LRIF1: variants seen among roughly 807,000 people sequenced by gnomAD.
The protein encoded by LRIF1 is ligand-dependent nuclear receptor-interacting factor 1.
LRIF1 carries 32 observed loss-of-function variants against 52.7 expected under a neutral mutation model. The ratio of observed to expected loss-of-function variants is 0.61; its 90% CI spans 0.46 to 0.82. LRIF1 has a LOEUF of 0.82. Ranked by LOEUF, LRIF1 falls within the 40% of genes least tolerant of loss-of-function variation. The pLI is 0.00. For synonymous variants in LRIF1, 323 were observed against 317.4 expected, an observed-to-expected ratio of 1.02 and a Z score of -0.19; for missense variants, 887 against 892.0, an observed-to-expected ratio of 0.99 and a Z score of 0.07.
At chr1:110,926,970 A>G in the LRIF1 span, among the ~76,000 whole-genome samples, 1 of 152,190 alleles carries the variant, frequency 6.6e-6, no homozygotes, top group African/African-American at 2.4e-5. Flanking sequence ...GACACTTGCC[A>G]TATAATAAAT....
intron 1 of LRIF1, among the ~76,000 whole-genome samples, chr1:110,957,562 T>C (rs1273229632): frequency 6.6e-6 from 1 of 150,542 alleles, no homozygotes; most frequent in Non-Finnish European, 1.5e-5. Context: ...CCCATAGTTA[T>C]ATCCTTTTAT....
chr1:110,901,942 C>T, the LRIF1 span, among the ~76,000 whole-genome samples: 1 of 152,186 alleles, frequency 6.6e-6, no homozygotes, highest in Non-Finnish European at 1.5e-5. Context: ...TAGGCTTTGT[C>T]TTTAACTCTA....
the LRIF1 span, chr1:110,895,114 C>T: frequency 8.0e-7 from 1 of 1,246,452 alleles, no homozygotes; most frequent in South Asian, 1.2e-5. Context: ...AGCCTAAATC[C>T]TTGGGGGCTA....
chr1:110,951,886 T>C lies in LRIF1; in HGVS notation c.998A>G (p.Asn333Ser). The C allele has an allele frequency of 6.2e-7, 1 of 1,613,960 alleles. No homozygotes were observed. Among genetic ancestry groups the C allele is most frequent in the East Asian group, 2.2e-5 (1 of 44,874 alleles). The part of the protein sequence containing the change: ...DRKNLGDNTI[N>S]MPPLSTIDPS... ...ATCGATGGTACTCAATGGTGGCATA[T>C]TTATAGTATTATCTCCCAAATTTTT... Residue 333 changes from asparagine (N) to serine (S), a missense_variant, in exon 2 of 4, where the codon AAT becomes AGT. Coordinates refer to ENST00000369763, the MANE Select transcript of LRIF1 (RefSeq NM_018372.4).
chr1:110,951,851 T>C lies in LRIF1; in HGVS notation c.1033A>G (p.Thr345Ala). ...PPLSTIDPSG[T>A]RSKNMPIKDN... is the part of the protein sequence containing the mutation. ...TTAATAGGCATATTTTTGGATCGCG[T>C]CCCACTAGGATCGATGGTACTCAAT... is the stretch of plus-strand genomic sequence containing the variant. Residue 345 changes from threonine to alanine, a missense_variant, in exon 2 of 4, where the codon ACG becomes GCG. Physicochemically the swap from Thr to Ala is moderately conservative, Grantham distance 58 (BLOSUM62 0). Coordinates refer to ENST00000369763, the MANE Select transcript of LRIF1 (RefSeq NM_018372.4). The C allele has an allele frequency of 6.2e-7, 1 of 1,613,498 alleles. No homozygotes were observed. The highest frequency in any genetic ancestry group is 2.2e-5 in the East Asian group (1 of 44,868).
intron 1 of LRIF1, among the ~76,000 whole-genome samples, chr1:110,957,194 A>G (rs1379394050): frequency 6.6e-6 from 1 of 151,044 alleles, no homozygotes; most frequent in African/African-American, 2.4e-5. Flanking sequence ...GCGGTGGCTC[A>G]CGCCTGTAAT....
Position 110,950,091 on chromosome 1 carries a change from T to A in LRIF1, c.1629A>T (p.Lys543Asn). 1 of 1,613,492 alleles carries A rather than the reference T, an allele frequency of 6.2e-7. No homozygotes were observed. Among genetic ancestry groups the A allele is most frequent in the African/African-American group, 1.3e-5 (1 of 75,044 alleles). The change falls in exon 3 of 4, where the codon AAA becomes AAT. Residue 543 changes from lysine to asparagine, a missense_variant. Lys to Asn is a moderately conservative substitution (Grantham distance 94). Transcript: ENST00000369763. ...TCTTGTCATTTCTTCCTTGGGCACC[T>A]TTATCTGATGTTGATGCCATCTCAT... ...IHNEMASTSD[K>N]GAQGRNDKKD...
chr1:110,958,414 T>C (rs1216621774), intron 1 of LRIF1, among the ~76,000 whole-genome samples: 1 of 151,878 alleles, frequency 6.6e-6, no homozygotes, highest in African/African-American at 2.4e-5. Flanking sequence ...TTGGAAATTA[T>C]ATAATGCTTT....
chr1:110,895,009 A>C, the LRIF1 span: 3 of 1,613,974 alleles, frequency 1.9e-6, no homozygotes, highest in African/African-American at 2.7e-5. Context: ...CACCGTTACC[A>C]CTCAGACAAT....
the LRIF1 span, chr1:110,894,924 T>C: frequency 6.5e-7 from 1 of 1,532,408 alleles, no homozygotes; most frequent in Non-Finnish European, 9.0e-7. Flanking sequence ...CACCTGCTTT[T>C]TACCATGTCT....
At chr1:110,960,755 A>T (rs938322134) in intron 1 of LRIF1, among the ~76,000 whole-genome samples, 1 of 151,962 alleles carries the variant, frequency 6.6e-6, no homozygotes, top group African/African-American at 2.4e-5. Flanking sequence ...AAGTCGGTCT[A>T]TTTTCCCTTC....
rs1658265943 is a variant in LRIF1 at position 110,947,835 on chromosome 1, A to G, written c.*124T>C. On this transcript the variant is annotated 3_prime_UTR_variant, in exon 4 of 4. Transcript: ENST00000369763. The stretch of plus-strand genomic sequence containing the variant: ...TTTCTGTATTCCTTAAAGTTGTACA[A>G]TCGACTGATGAAAAAACAAGCTTCA... 3.0e-6 allele frequency: 4 copies of G among 1,319,086 alleles called. No individual in the cohort carries two copies. Among genetic ancestry groups the G allele is most frequent in the Admixed American group, 2.8e-5 (1 of 35,230 alleles). 81.7% of individuals were successfully genotyped at this position (1,319,086 alleles called of 1,614,324 possible).
At position 110,951,624 on chromosome 1, in the gene LRIF1, T is replaced by C. The variant is rs1211541656; in HGVS notation, c.1260A>G (p.Lys420=). The part of the protein sequence containing the change: ...EVVNIVLAKS[K]SSQMETKSLS... ...GTGATTTTGTCTCCATCTGGGAAGA[T>C]TTACTTTTAGCCAAAACAATATTTA... Residue 420 remains lysine, a synonymous_variant, in exon 2 of 4, where the codon AAA becomes AAG. Coordinates refer to ENST00000369763, the MANE Select transcript of LRIF1 (RefSeq NM_018372.4). 1.9e-6 allele frequency: 3 copies of C among 1,613,978 alleles called. No individual in the cohort carries two copies. In the African/African-American group the frequency reaches 4.0e-5, roughly 22 times the overall value.
At chr1:110,910,608 T>TCAAAA in the LRIF1 span, among the ~76,000 whole-genome samples, 1 of 151,756 alleles carries the variant, frequency 6.6e-6, no homozygotes, top group Non-Finnish European at 1.5e-5. Context: ...CTCAAAAAAA[T>TCAAAA]CAAAACAAAA....
chr1:110,908,059 G>T, the LRIF1 span, among the ~76,000 whole-genome samples: 9 of 152,260 alleles, frequency 5.9e-5, 1 homozygote, highest in South Asian at 1.9e-3. Context: ...GATGATAAAA[G>T]AAGGGTCTTT....
At chr1:110,912,191 CTTT>C in the LRIF1 span, among the ~76,000 whole-genome samples, 4 of 151,902 alleles carry the variant, frequency 2.6e-5, no homozygotes, top group Admixed American at 1.3e-4. Flanking sequence ...AGTAGCATTT[CTTT>C]TTTTTCTTTC....
At chr1:110,877,382 C>A in the LRIF1 span, among the ~76,000 whole-genome samples, 1 of 152,186 alleles carries the variant, frequency 6.6e-6, no homozygotes, top group Non-Finnish European at 1.5e-5. Flanking sequence ...GGCCTCTAGC[C>A]GAGGGACCCC....
chr1:110,934,908 A>G, the LRIF1 span, among the ~76,000 whole-genome samples: 1 of 152,192 alleles, frequency 6.6e-6, no homozygotes, highest in Non-Finnish European at 1.5e-5. Flanking sequence ...AGCTTCAGGT[A>G]TGACACAGCA....
At chr1:110,881,819 T>C in the LRIF1 span, among the ~76,000 whole-genome samples, 1 of 152,160 alleles carries the variant, frequency 6.6e-6, no homozygotes, top group Non-Finnish European at 1.5e-5. Context: ...AGATGTGGAG[T>C]GGTATCTTAC....
Sources: gnomAD v4.1 joint callset for allele counts (sites outside exome capture counted in the v4.1 genomes callset) on GRCh38, gnomAD v4.1.1 for gene constraint, MANE v1.5 for transcripts, NCBI Gene and HGNC (gene_info 2026-07-23, HGNC 2026-07-21) for gene names.